The following MARF1 variants were observed in gnomAD, a reference collection of about 807,000 sequenced individuals.
MARF1 encodes the protein limkain-b1.
MARF1 carries 24 observed loss-of-function variants against 168.2 expected under a neutral mutation model. That is an observed-to-expected ratio of 0.14 (90% confidence interval 0.10 to 0.20). MARF1 has a LOEUF of 0.20. Ranked by LOEUF, MARF1 falls within the 10% of genes least tolerant of loss-of-function variation. The probability of loss-of-function intolerance (pLI) is 1.00; values close to 1 mark genes in which losing one functional copy is unlikely to be tolerated. For missense variants in MARF1, 1,744 were observed against 2,143.6 expected, an observed-to-expected ratio of 0.81 and a Z score of 3.68; for synonymous variants, 868 against 822.4, an observed-to-expected ratio of 1.06 and a Z score of -0.95.
In MARF1 at chr16:15,594,959, T is replaced by C. The variant is rs1047766554; in HGVS notation, c.*1734A>G. ...TACGGTTTTAAAGTCCACCACTCTT[T>C]ACATGCTAGCAGAACTGAAGTCCAA... On this transcript the variant is annotated 3_prime_UTR_variant, in exon 27 of 27. Coordinates refer to ENST00000396368, the MANE Select transcript of MARF1 (RefSeq NM_014647.4). The C allele has an allele frequency of 1.3e-5, 2 of 152,626 alleles. No individual in the cohort carries two copies. Among genetic ancestry groups the C allele is most frequent in the East Asian group, 3.8e-4 (2 of 5,196 alleles). The allele number at this position is 152,626 out of a possible 1,614,324, so 9.5% of individuals were successfully genotyped here.
chr16:15,634,918 C>T lies in MARF1; in HGVS notation c.845G>A (p.Ser282Asn), dbSNP rs1245479110. Residue 282 changes from serine (S) to asparagine (N), a missense_variant, in exon 4 of 27, where the codon AGC becomes AAC. This residue lies in a region of MARF1 where 217 missense variants were observed against 372.4 expected (regional missense o/e 0.58). Coordinates refer to ENST00000396368, the MANE Select transcript of MARF1 (RefSeq NM_014647.4). ...EDCLNKPARN[S>N]IIDAAKVWPN... ...CCAGACTTTAGCCGCATCGATTATG[C>T]TATTTCTTGCTGGCTGTTTTAAATT... 3 of 1,611,020 alleles carry T rather than the reference C, an allele frequency of 1.9e-6. No individual in the cohort carries two copies. The Admixed American group carries it at 5.1e-5, about 27-fold the overall frequency.
intron 16 of MARF1, among the ~76,000 whole-genome samples, chr16:15,614,140 G>A (rs147385176): frequency 1.2e-4 from 19 of 152,152 alleles, no homozygotes; most frequent in African/African-American, 4.6e-4. Context: ...AGGTAAATCT[G>A]CATTAAGTGG....
In MARF1 at chr16:15,612,682, A is replaced by C. The variant is rs1238415442; in HGVS notation, c.3349T>G (p.Cys1117Gly). Residue 1117 changes from cysteine (C) to glycine (G), a missense_variant, in exon 17 of 27, where the codon TGT (cysteine) becomes GGT (glycine). Physicochemically the swap from Cys to Gly is radical, Grantham distance 159. This residue lies in a region of MARF1 where 543 missense variants were observed against 742.1 expected (regional missense o/e 0.73). Coordinates refer to ENST00000396368, the MANE Select transcript of MARF1 (RefSeq NM_014647.4). ...VIDLLKSQPS[C>G]VIPISHFIPS... is the part of the protein sequence containing the mutation. ...ATGAAATGACTGATGGGTATGACAC[A>C]AGATGGCTGGCTTTTCAGCAAGTCA... is the stretch of plus-strand genomic sequence containing the variant. The C allele has an allele frequency of 1.2e-6, 2 of 1,614,218 alleles. No homozygotes were observed. The highest frequency in any genetic ancestry group is 1.7e-5 in the Admixed American group (1 of 60,024).
At chr16:15,609,972 T>G (rs1227585333) in intron 19 of MARF1, among the ~76,000 whole-genome samples, 1 of 152,192 alleles carries the variant, frequency 6.6e-6, no homozygotes, top group Non-Finnish European at 1.5e-5. Context: ...ATTCATCTTA[T>G]AAGCTAGAAA....
At chr16:15,604,080 C>T in intron 22 of MARF1, 88 bp downstream of exon 22, 1 of 1,042,420 alleles carries the variant, frequency 9.6e-7, no homozygotes, top group East Asian at 2.4e-5. Context: ...TCCAGCTCTA[C>T]ACACTCTAAT....
chr16:15,608,736 G>A lies in MARF1; in HGVS notation c.3955-218C>T, dbSNP rs999000527. Reference sequence around the variant, plus strand: ...GGACAGGAGATATAAAGATAGTTACGAAGGTAAGTTCTATGTTATGTGTAT... The same window carrying A: ...GGACAGGAGATATAAAGATAGTTACAAAGGTAAGTTCTATGTTATGTGTAT... On this transcript the variant is annotated intron_variant, in intron 20 of 26. Transcript: ENST00000396368. 30 of 563,596 alleles carry A rather than the reference G, an allele frequency of 5.3e-5. No individual in the cohort carries two copies. In the South Asian group the frequency reaches 5.6e-4, roughly 11 times the overall value. 34.9% of individuals were successfully genotyped at this position (563,596 alleles called of 1,614,324 possible). A position where few individuals can be genotyped will look rare whatever the true frequency, so the allele number is the denominator to read the frequency against.
chr16:15,637,830 TGAAAACCTA>T (rs2151314581), intron 2 of MARF1, among the ~76,000 whole-genome samples: 1 of 152,336 alleles, frequency 6.6e-6, no homozygotes, highest in East Asian at 1.9e-4. Flanking sequence ...AACTATATAG[TGAAAACCTA>T]GAGAAAATAG....
At chr16:15,598,716 G>T in intron 26 of MARF1, 138 bp downstream of exon 26, 1 of 865,596 alleles carries the variant, frequency 1.2e-6, no homozygotes, top group Non-Finnish European at 1.8e-6. Context: ...GGGAAAGAAG[G>T]TCGAATAATC....
At chr16:15,617,986 T>C (rs937977268) in intron 13 of MARF1, among the ~76,000 whole-genome samples, 1 of 152,210 alleles carries the variant, frequency 6.6e-6, no homozygotes, top group African/African-American at 2.4e-5. Flanking sequence ...TCCCCAGTTC[T>C]CCTCCTGACC....
At position 15,621,767 on chromosome 16, in the gene MARF1, T is replaced by A. The variant is rs184906468; in HGVS notation, c.2605A>T (p.Thr869Ser). The A allele has an allele frequency of 4.5e-4, 732 of 1,614,192 alleles. 1 individual carries two copies. The African/African-American group carries it at 8.7e-3, about 19-fold the overall frequency. Residue 869 changes from threonine (T) to serine (S), a missense_variant, in exon 12 of 27, where the codon ACC (threonine) becomes TCC (serine). By Grantham distance (58) the Thr-to-Ser change is moderately conservative. This residue lies in a region of MARF1 where 543 missense variants were observed against 742.1 expected (regional missense o/e 0.73). Transcript: ENST00000396368. ...GAGAGTGATTTGCTGGCAGCCCCGG[T>A]GGCAAGTGAGACCAGGATCTTTTTG... ...GSKKILVSLA[T>S]GAASKSLSLL... is the part of the protein sequence containing the mutation.
intron 7 of MARF1, 125 bp downstream of exon 7, chr16:15,630,207 A>G (rs1454756834): frequency 2.6e-6 from 2 of 765,328 alleles, no homozygotes; most frequent in Admixed American, 6.6e-5. Context: ...CCTTACTTCA[A>G]AATCTAACCC....
Position 15,625,379 on chromosome 16 carries a change from C to T in MARF1, c.1946G>A (p.Ser649Asn). ...GSATKNTNVK[S>N]LQELCRMESK... Reference sequence around the variant, plus strand: ...AAGAGGTATCAAAATTACCTGTAAACTTTTAACATTTGTATTTTTTGTAGC... The same window carrying T: ...AAGAGGTATCAAAATTACCTGTAAATTTTTAACATTTGTATTTTTTGTAGC... The change falls in exon 8 of 27, where the codon AGT becomes AAT. Residue 649 changes from serine to asparagine, a missense_variant. Transcript: ENST00000396368. The T allele has an allele frequency of 6.2e-7, 1 of 1,601,470 alleles. No individual in the cohort carries two copies. The highest frequency in any genetic ancestry group is 1.1e-5 in the South Asian group (1 of 89,228).
Position 15,621,561 on chromosome 16 carries a change from T to C in MARF1, c.2639+172A>G, listed in dbSNP as rs2151187358. ...TGTATTCCAGCTTTGATTAATGACTTAGACAAGAGTCAAATGGCTTGTTTC... is the reference window on the plus strand; with the variant it reads ...TGTATTCCAGCTTTGATTAATGACTCAGACAAGAGTCAAATGGCTTGTTTC... On this transcript the variant is annotated intron_variant, in intron 12 of 26. Transcript: ENST00000396368. 3 of 671,546 alleles carry C rather than the reference T, an allele frequency of 4.5e-6. No individual in the cohort carries two copies. In the South Asian group the frequency reaches 6.3e-5, roughly 14 times the overall value. 41.6% of individuals were successfully genotyped at this position (671,546 alleles called of 1,614,324 possible).
rs374372747 is a variant in MARF1, at chr16:15,611,007, T to A, written c.3719A>T (p.Asp1240Val). 1.9e-5 allele frequency: 31 copies of A among 1,613,940 alleles called. No homozygotes were observed. The highest frequency in any genetic ancestry group is 2.5e-5 in the Non-Finnish European group (30 of 1,179,940). ...PDTTICLSQQ[D>V]NEMVICIPKR... is the part of the protein sequence containing the mutation. ...GGGGATACAAATCACCATTTCATTA[T>A]CTTGTTGGGACAAGCAGATGGTTGT... The change falls in exon 19 of 27, where the codon GAT becomes GTT. Residue 1240 changes from aspartate to valine, a missense_variant. By Grantham distance (152) the Asp-to-Val change is radical. Around this residue, in one of 7 missense-constraint regions of MARF1, gnomAD observed 543 missense variants for 742.1 expected, o/e 0.73. Transcript: ENST00000396368.
At chr16:15,623,405 C>T (rs2034612099) in intron 10 of MARF1, among the ~76,000 whole-genome samples, 1 of 151,150 alleles carries the variant, frequency 6.6e-6, no homozygotes, top group Admixed American at 6.6e-5. Flanking sequence ...TCAGCCTCCC[C>T]AGTAGCTGGG....
At chr16:15,602,454 A>C (rs1423712521) in intron 22 of MARF1, 1 of 604,318 alleles carries the variant, frequency 1.7e-6, no homozygotes, top group Non-Finnish European at 2.9e-6. Context: ...AACGAAGATA[A>C]AGACGACAAA....
chr16:15,629,657 T>C (rs974546052), intron 7 of MARF1, among the ~76,000 whole-genome samples: 1 of 152,242 alleles, frequency 6.6e-6, no homozygotes, highest in Admixed American at 6.5e-5. Flanking sequence ...CATTAATTCT[T>C]TCAGAGTTAC....
intron 7 of MARF1, among the ~76,000 whole-genome samples, chr16:15,628,207 GT>G (rs1256947412): frequency 6.6e-6 from 1 of 151,924 alleles, no homozygotes; most frequent in Non-Finnish European, 1.5e-5. Flanking sequence ...CTCTGACATA[GT>G]TTTTTTCCAA....
rs2034796818 is a variant in MARF1, at chr16:15,625,716, C to T, written c.1609G>A (p.Asp537Asn). 3 of 1,614,200 alleles carry T rather than the reference C, an allele frequency of 1.9e-6. No individual in the cohort carries two copies. Among genetic ancestry groups the T allele is most frequent in the South Asian group, 1.1e-5 (1 of 91,084 alleles). ...SVSNRLRRLS[D>N]NCGGKVLSIT... ...CTCAGCACTTTCCCACCACAATTAT[C>T]GGACAGGCGTCTGAGCCTGTTGCTG... Residue 537 changes from aspartate (D) to asparagine (N), a missense_variant, in exon 8 of 27, where the codon GAT becomes AAT. By Grantham distance (23) the Asp-to-Asn change is conservative (BLOSUM62 1). Around this residue, in one of 7 missense-constraint regions of MARF1, gnomAD observed 217 missense variants for 372.4 expected, o/e 0.58. Coordinates refer to ENST00000396368, the MANE Select transcript of MARF1 (RefSeq NM_014647.4).
Sources: allele counts gnomAD v4.1 joint callset (sites outside exome capture counted in the v4.1 genomes callset), GRCh38; gene constraint gnomAD v4.1.1; regional missense constraint gnomAD v4.1.1; transcripts MANE v1.5; gene names NCBI Gene and HGNC (gene_info 2026-07-23, HGNC 2026-07-21).